Variants in FAM168B observed in about 807,000 individuals in gnomAD.
FAM168B encodes myelin-associated neurite-outgrowth inhibitor.
FAM168B carries 19 observed loss-of-function variants against 21.8 expected under a neutral mutation model. The ratio of observed to expected loss-of-function variants is 0.87; its 90% CI spans 0.61 to 1.28. The LOEUF is 1.28. Ranked by LOEUF, FAM168B falls within the 50% of genes most tolerant of loss-of-function variation. FAM168B has a pLI of 0.00. For synonymous variants in FAM168B, 126 were observed against 104.8 expected (o/e 1.20, Z -1.24); for missense variants, 233 against 263.1 (o/e 0.89, Z 0.79).
chr2:131,079,073 C>T (rs943759740), intron 2 of FAM168B, among the ~76,000 whole-genome samples: 7 of 151,540 alleles, frequency 4.6e-5, no homozygotes, highest in East Asian at 1.9e-4. Context: ...TGACATTATT[C>T]GGGAAAATAA....
At chr2:131,074,804 C>T (rs963056995) in intron 2 of FAM168B, among the ~76,000 whole-genome samples, 13 of 152,156 alleles carry the variant, frequency 8.5e-5, no homozygotes, top group Non-Finnish European at 5.9e-5. Flanking sequence ...TCCTCACGTG[C>T]CTCCCTTCGG....
rs577968737 is a variant in FAM168B at position 131,061,296 on chromosome 2, A to T, written c.155-5601T>A. On this transcript the variant is annotated intron_variant, in intron 3 of 6. Coordinates refer to ENST00000389915, the MANE Select transcript of FAM168B (RefSeq NM_001009993.4). ...TGGCAAAACCTCGCCTCCAAAATTTAAAAAAAAAAAAAAAGTAAAAATAAG... is the reference window on the plus strand; with the variant it reads ...TGGCAAAACCTCGCCTCCAAAATTTTAAAAAAAAAAAAAAGTAAAAATAAG... Among the ~76,000 whole-genome samples the T allele has an allele frequency of 7.4e-3, 1,005 of 135,590 alleles. 6 individuals are homozygous for T. The highest frequency in any genetic ancestry group is 0.01 in the Non-Finnish European group (657 of 64,012). The allele number at this position is 135,590 out of a possible 152,430, so 89.0% of individuals were successfully genotyped here. A position where few individuals can be genotyped will look rare whatever the true frequency, so the allele number is the denominator to read the frequency against.
chr2:131,065,902 T>A (rs1404382080), intron 3 of FAM168B, among the ~76,000 whole-genome samples: 1 of 151,864 alleles, frequency 6.6e-6, no homozygotes, highest in African/African-American at 2.4e-5. Context: ...AGATAAACAC[T>A]GTGTGATAAA....
In FAM168B at chr2:131,050,535, A is replaced by G; in HGVS notation, c.*1930T>C. On this transcript the variant is annotated 3_prime_UTR_variant, in exon 7 of 7. Transcript: ENST00000389915. ...ACTAAGATGGATTAAGTGCTCATGAAGCAATTTAAAGTACTTATCAGTAAA... is the reference window on the plus strand; with the variant it reads ...ACTAAGATGGATTAAGTGCTCATGAGGCAATTTAAAGTACTTATCAGTAAA... 1.0e-6 allele frequency: 1 copy of G among 985,878 alleles called. No homozygotes were observed. Among genetic ancestry groups the G allele is most frequent in the Non-Finnish European group, 1.2e-6 (1 of 829,946 alleles). 61.1% of individuals were successfully genotyped at this position (985,878 alleles called of 1,614,324 possible).
At chr2:131,078,160 G>A (rs904721624) in intron 2 of FAM168B, among the ~76,000 whole-genome samples, 20 of 152,136 alleles carry the variant, frequency 1.3e-4, no homozygotes, top group Admixed American at 1.2e-3. Context: ...ACCATGTGAC[G>A]GAAAAACAAA....
chr2:131,077,637 A>G (rs993788787), intron 2 of FAM168B, among the ~76,000 whole-genome samples: 2 of 152,236 alleles, frequency 1.3e-5, no homozygotes, highest in Non-Finnish European at 1.5e-5. Context: ...GTCAATTCTC[A>G]GCATGGGCAA....
At chr2:131,062,043 T>C (rs1692327694) in intron 3 of FAM168B, among the ~76,000 whole-genome samples, 2 of 152,196 alleles carry the variant, frequency 1.3e-5, no homozygotes, top group African/African-American at 4.8e-5. Context: ...GAAAAGCTGT[T>C]AAAAGAAGTC....
At chr2:131,062,344 G>A (rs535358728) in intron 3 of FAM168B, among the ~76,000 whole-genome samples, 2 of 152,296 alleles carry the variant, frequency 1.3e-5, no homozygotes, top group African/African-American at 2.4e-5. Flanking sequence ...ATACACAGTC[G>A]AGGGGCCCAC....
intron 1 of FAM168B, among the ~76,000 whole-genome samples, chr2:131,087,762 C>T (rs1208843131): frequency 6.6e-6 from 1 of 152,098 alleles, no homozygotes; most frequent in Non-Finnish European, 1.5e-5. Flanking sequence ...ACCACATGAC[C>T]CCACAATTCC....
At chr2:131,076,901 C>G (rs929926391) in intron 2 of FAM168B, among the ~76,000 whole-genome samples, 1 of 151,670 alleles carries the variant, frequency 6.6e-6, no homozygotes, top group Non-Finnish European at 1.5e-5. Flanking sequence ...TGACTAACTT[C>G]CGACTAGCAG....
At chr2:131,078,109 G>C (rs1016598631) in intron 2 of FAM168B, among the ~76,000 whole-genome samples, 1 of 152,178 alleles carries the variant, frequency 6.6e-6, no homozygotes, top group African/African-American at 2.4e-5. Context: ...AATACACTGC[G>C]TGAGACAGTT....
rs763996769 is a variant in FAM168B, at chr2:131,052,095, T to C, written c.*370A>G. ...GTTGTAAAATACGTTTCCATTCCTT[T>C]GGATTTTGCATATGATGGTTTTGCA... On this transcript the variant is annotated 3_prime_UTR_variant, in exon 7 of 7. Coordinates refer to ENST00000389915, the MANE Select transcript of FAM168B (RefSeq NM_001009993.4). The C allele has an allele frequency of 2.4e-5, 24 of 985,734 alleles. No homozygotes were observed. The highest frequency in any genetic ancestry group is 2.9e-5 in the Non-Finnish European group (24 of 829,944). The allele number at this position is 985,734 out of a possible 1,614,324, so 61.1% of individuals were successfully genotyped here.
At position 131,050,247 on chromosome 2, in the gene FAM168B, A is replaced by G. The variant is rs1573736073; in HGVS notation, c.*2218T>C. 1.0e-6 allele frequency: 1 copy of G among 985,474 alleles called. No homozygotes were observed. The highest frequency in any genetic ancestry group is 5.2e-4 in the Middle Eastern group (1 of 1,914). The allele number at this position is 985,474 out of a possible 1,614,324, so 61.0% of individuals were successfully genotyped here. On this transcript the variant is annotated 3_prime_UTR_variant, in exon 7 of 7. Coordinates refer to ENST00000389915, the MANE Select transcript of FAM168B (RefSeq NM_001009993.4). The stretch of plus-strand genomic sequence containing the variant: ...TGAACCCCAAGACTCCAGCCCTCAC[A>G]GGAGTTGTACATGTATGTTTCCATT...
At chr2:131,078,368 A>T (rs374215527) in intron 2 of FAM168B, among the ~76,000 whole-genome samples, 1 of 152,234 alleles carries the variant, frequency 6.6e-6, no homozygotes, top group Non-Finnish European at 1.5e-5. Context: ...AGATCAGTAT[A>T]AACTATCTGT....
chr2:131,058,644 T>C (rs997566066), intron 3 of FAM168B, among the ~76,000 whole-genome samples: 2 of 152,226 alleles, frequency 1.3e-5, no homozygotes, highest in African/African-American at 4.8e-5. Flanking sequence ...TTTTTAATAC[T>C]GGTGCTTGGC....
In FAM168B at chr2:131,049,627, GAGA is replaced by G. The variant is rs2105441746; in HGVS notation, c.*2835_*2837del. On this transcript the variant is annotated 3_prime_UTR_variant, in exon 7 of 7. Transcript: ENST00000389915. ...TGAACACACTCCCCAAGCCTCAGGGGAGAAGGTGTAGAACAAATATTTTTTAAA... is the reference window on the plus strand; with the variant it reads ...TGAACACACTCCCCAAGCCTCAGGGGAGGTGTAGAACAAATATTTTTTAAA... The G allele has an allele frequency of 3.0e-6, 3 of 985,600 alleles. No homozygotes were observed. The highest frequency in any genetic ancestry group is 1.1e-4 in the East Asian group (1 of 8,816). The allele number at this position is 985,600 out of a possible 1,614,324, so 61.1% of individuals were successfully genotyped here. A position where few individuals can be genotyped will look rare whatever the true frequency, so the allele number is the denominator to read the frequency against.
At chr2:131,053,751 T>C (rs1360647348) in intron 5 of FAM168B, among the ~76,000 whole-genome samples, 2 of 152,018 alleles carry the variant, frequency 1.3e-5, no homozygotes, top group African/African-American at 4.8e-5. Flanking sequence ...GTAGCATACT[T>C]ATAGTCCCAG....
intron 1 of FAM168B, among the ~76,000 whole-genome samples, chr2:131,091,477 C>T (rs888706928): frequency 2.6e-5 from 4 of 151,548 alleles, no homozygotes; most frequent in Admixed American, 2.0e-4. Context: ...AAAACCCCGT[C>T]TCTACTAAAA....
At chr2:131,070,191 T>C (rs570602413) in intron 3 of FAM168B, among the ~76,000 whole-genome samples, 1 of 152,212 alleles carries the variant, frequency 6.6e-6, no homozygotes, top group East Asian at 1.9e-4. Flanking sequence ...TAAAAGACGT[T>C]GTTAAAAGAA....
Sources: gnomAD v4.1 joint callset for allele counts (sites outside exome capture counted in the v4.1 genomes callset) on GRCh38, gnomAD v4.1.1 for gene constraint, MANE v1.5 for transcripts, NCBI Gene and HGNC (gene_info 2026-07-23, HGNC 2026-07-21) for gene names.